Variants in GOLGA3 observed in about 807,000 individuals in gnomAD.
GOLGA3 encodes golgin subfamily A member 3.
In GOLGA3, 75 loss-of-function variants were observed where a neutral mutation model predicts 169.4. That is an observed-to-expected ratio of 0.44 (90% confidence interval 0.37 to 0.54). GOLGA3 has a LOEUF of 0.54. GOLGA3 is among the 20% of genes least tolerant of loss of function. The pLI is 0.00. For synonymous variants in GOLGA3, 824 were observed against 822.4 expected (o/e 1.00, Z -0.03); for missense variants, 1,899 against 1,930.0 (o/e 0.98, Z 0.30).
At chr12:132,789,567 T>C (rs1317512584) in intron 12 of GOLGA3, among the ~76,000 whole-genome samples, 1 of 152,154 alleles carries the variant, frequency 6.6e-6, no homozygotes, top group Non-Finnish European at 1.5e-5. Context: ...TCTGGCTCTC[T>C]CCTGACTTCA....
At chr12:132,788,969 C>T (rs1331588437) in intron 13 of GOLGA3, 58 bp downstream of exon 13, 17 of 907,728 alleles carry the variant, frequency 1.9e-5, no homozygotes, top group Middle Eastern at 5.4e-4. Context: ...CCCACCCTCC[C>T]GACAAGCACT....
chr12:132,788,952 C>CCCAGGCCCCGCCCCAG, intron 13 of GOLGA3, 75 bp downstream of exon 13: 1 of 1,046,852 alleles, frequency 9.6e-7, no homozygotes, highest in Non-Finnish European at 1.3e-6. Flanking sequence ...CCGCCCCAGA[C>CCCAGGCCCCGCCCCAG]ACAGGCCCCA....
chr12:132,783,877 G>C (rs902052623), intron 16 of GOLGA3: 16 of 1,424,144 alleles, frequency 1.1e-5, no homozygotes, highest in Admixed American at 8.9e-5. Flanking sequence ...GCCTGGCGAA[G>C]TTGGGTTTCT....
chr12:132,826,175 C>T, intron 1 of GOLGA3: 16 of 1,589,370 alleles, frequency 1.0e-5, no homozygotes, highest in Non-Finnish European at 1.4e-5. Flanking sequence ...GAAGCAGTTC[C>T]AGAAGTTCTG....
chr12:132,797,180 G>A (rs1255926490), intron 9 of GOLGA3, among the ~76,000 whole-genome samples: 2 of 152,134 alleles, frequency 1.3e-5, no homozygotes, highest in African/African-American at 2.4e-5. Context: ...TATGGCTGAC[G>A]CAACGTGATT....
intron 4 of GOLGA3, among the ~76,000 whole-genome samples, chr12:132,812,278 G>A (rs1359533904): frequency 6.6e-6 from 1 of 151,598 alleles, no homozygotes; most frequent in Admixed American, 6.6e-5. Flanking sequence ...TAAGAGCTCT[G>A]ATGGGAGATG....
chr12:132,784,250 G>A lies in GOLGA3; in HGVS notation c.3181C>T (p.Leu1061=), dbSNP rs755281315. ...LQAVSHSKTL[L]EKELQEVIAL... ...ATGACCTCCTGCAGTTCCTTTTCCA[G>A]CAGCGTCTTGCTATGACTGACAGCC... The change falls in exon 16 of 24, where the codon CTG becomes TTG. Residue 1061 remains leucine (L), a synonymous_variant. Transcript: ENST00000450791. 1 of 1,611,034 alleles carries A rather than the reference G, an allele frequency of 6.2e-7. No homozygotes were observed. The highest frequency in any genetic ancestry group is 2.2e-5 in the East Asian group (1 of 44,880).
chr12:132,786,648 C>T, intron 14 of GOLGA3, 45 bp downstream of exon 14: 2 of 1,434,036 alleles, frequency 1.4e-6, no homozygotes, highest in Non-Finnish European at 9.7e-7. Flanking sequence ...GCCCCCGCAC[C>T]TCCCACCTGG....
chr12:132,791,156 C>A, intron 12 of GOLGA3, 60 bp downstream of exon 12: 1 of 789,190 alleles, frequency 1.3e-6, no homozygotes, highest in Non-Finnish European at 2.1e-6. Flanking sequence ...AGCAATTAAA[C>A]CACAGAAAAC....
rs781769153 is a variant in GOLGA3 at position 132,771,927 on chromosome 12, C to T, written c.*1178G>A. On this transcript the variant is annotated 3_prime_UTR_variant, in exon 24 of 24. Coordinates refer to ENST00000450791, the MANE Select transcript of GOLGA3 (RefSeq NM_001389683.1). ...ATATGGGGCCTCAGTGTCCTTGTGC[C>T]TCCTGATGGCCGTCAGGCCTGACCA... The T allele has an allele frequency of 6.6e-6, 1 of 152,440 alleles. No homozygotes were observed. Among genetic ancestry groups the T allele is most frequent in the African/African-American group, 2.4e-5 (1 of 41,454 alleles). 9.4% of individuals were successfully genotyped at this position (152,440 alleles called of 1,614,324 possible).
intron 8 of GOLGA3, among the ~76,000 whole-genome samples, chr12:132,799,300 A>G (rs1264498821): frequency 1.3e-5 from 2 of 152,216 alleles, no homozygotes; most frequent in East Asian, 3.8e-4. Context: ...TGGGTACCAA[A>G]AAAATGTATT....
chr12:132,776,859 C>T, intron 20 of GOLGA3, 99 bp downstream of exon 20: 1 of 1,548,928 alleles, frequency 6.5e-7, no homozygotes, highest in Non-Finnish European at 8.7e-7. Context: ...ATACCATATT[C>T]AGAAAACCAT....
intron 1 of GOLGA3, chr12:132,826,143 T>A: frequency 6.3e-6 from 10 of 1,588,208 alleles, no homozygotes; most frequent in Non-Finnish European, 8.6e-6. Flanking sequence ...GTGCTCCAGG[T>A]CACCAAGGCT....
chr12:132,786,345 AG>A lies in GOLGA3; in HGVS notation c.3116del (p.Ala1039ValfsTer31). The A allele has an allele frequency of 6.3e-7, 1 of 1,598,580 alleles. No individual in the cohort carries two copies. The highest frequency in any genetic ancestry group is 8.5e-7 in the Non-Finnish European group (1 of 1,170,754). On this transcript the variant is annotated frameshift_variant, in exon 15 of 24. Coordinates refer to ENST00000450791, the MANE Select transcript of GOLGA3 (RefSeq NM_001389683.1). LOFTEE classifies it high-confidence loss of function. ...ATGGCACGGTGTTACCTACATGTAG[AG>A]CCAGGCTGCTGTCACTGCTGCCACC... is the stretch of plus-strand genomic sequence containing the variant. The part of the protein sequence containing the change: ...AQGGSSDSSL[A>X]LHERIQALEA...
intron 3 of GOLGA3, among the ~76,000 whole-genome samples, chr12:132,813,882 G>A (rs1265694205): frequency 1.3e-5 from 2 of 151,574 alleles, no homozygotes; most frequent in East Asian, 1.9e-4. Context: ...CCGCCACCAC[G>A]CCTGGCTAAT....
rs764199879 is a variant in GOLGA3, at chr12:132,808,119, C to A, written c.950G>T (p.Ser317Ile). 4 of 1,605,386 alleles carry A rather than the reference C, an allele frequency of 2.5e-6. No individual in the cohort carries two copies. Among genetic ancestry groups the A allele is most frequent in the Non-Finnish European group, 3.4e-6 (4 of 1,174,698 alleles). The change falls in exon 5 of 24, where the codon AGC becomes ATC. Residue 317 changes from serine to isoleucine, a missense_variant. Physicochemically the swap from Ser to Ile is moderately radical, Grantham distance 142. Transcript: ENST00000450791. ...VSEVDGNDSDSSSYSSASTRG... is the reference protein window; with the variant it reads ...VSEVDGNDSDISSYSSASTRG... ...GGTGGAGGCGCTGCTGTACGATGAG[C>A]TGTCGCTGTCATTTCCATCCACCTC...
rs961072760 is a variant in GOLGA3, at chr12:132,774,845, C to A, written c.4143+296G>T. 6.6e-5 allele frequency: 33 copies of A among 498,518 alleles called. No individual in the cohort carries two copies. In the Admixed American group the frequency reaches 1.0e-3, roughly 15 times the overall value. The allele number at this position is 498,518 out of a possible 1,614,324, so 30.9% of individuals were successfully genotyped here. A position where few individuals can be genotyped will look rare whatever the true frequency, so the allele number is the denominator to read the frequency against. On this transcript the variant is annotated intron_variant, in intron 22 of 23. Coordinates refer to ENST00000450791, the MANE Select transcript of GOLGA3 (RefSeq NM_001389683.1). ...CCTGGGCACAGCTCCCGGGCCCCAG[C>A]CCTTCACACACAGCAGGGACTGCCG...
In GOLGA3 at chr12:132,814,193, T is replaced by G. The variant is rs1214298496; in HGVS notation, c.407-774A>C. On this transcript the variant is annotated intron_variant, in intron 3 of 23. Transcript: ENST00000450791. ...GCATGCAACACGACCCCTGACGACT[T>G]TGGTATTTTTAGTAGAGACAGGGTT... Among the ~76,000 whole-genome samples the G allele has an allele frequency of 2.6e-5, 4 of 151,554 alleles. No homozygotes were observed. The East Asian group carries it at 5.8e-4, about 22-fold the overall frequency.
chr12:132,801,328 C>T (rs1253631107), intron 8 of GOLGA3, among the ~76,000 whole-genome samples: 1 of 152,202 alleles, frequency 6.6e-6, no homozygotes, highest in African/African-American at 2.4e-5. Flanking sequence ...GGGAAGAGAA[C>T]CCCACTGGCA....
Sources: gnomAD v4.1 joint callset for allele counts (sites outside exome capture counted in the v4.1 genomes callset) on GRCh38, gnomAD v4.1.1 for gene constraint, MANE v1.5 for transcripts, NCBI Gene and HGNC (gene_info 2026-07-23, HGNC 2026-07-21) for gene names.